The following DYM variants were observed in gnomAD, a reference collection of about 807,000 sequenced individuals.
The protein encoded by DYM is dymeclin.
A neutral mutation model predicts 93.1 loss-of-function variants in DYM; 78 were observed. The ratio of observed to expected loss-of-function variants is 0.84; its 90% confidence interval spans 0.70 to 1.01. DYM has a LOEUF of 1.01. DYM is among the 50% of genes least tolerant of loss of function. The probability of loss-of-function intolerance (pLI) is 0.00; values close to 1 mark genes in which losing one functional copy is unlikely to be tolerated. For missense variants in DYM, 789 were observed against 845.0 expected (o/e 0.93, Z 0.82); for synonymous variants, 321 against 319.7 (o/e 1.00, Z -0.04).
chr18:49,046,320 CCA>C (rs929854047), intron 17 of DYM, among the ~76,000 whole-genome samples: 3 of 149,488 alleles, frequency 2.0e-5, no homozygotes, highest in African/African-American at 7.4e-5. Context: ...CACACACACA[CCA>C]GACACACACA....
At chr18:49,224,728 T>C (rs1337692893) in intron 13 of DYM, among the ~76,000 whole-genome samples, 2 of 152,076 alleles carry the variant, frequency 1.3e-5, no homozygotes, top group Admixed American at 6.6e-5. Flanking sequence ...GATCTAGGAC[T>C]TCCCAGATTC....
intron 1 of DYM, among the ~76,000 whole-genome samples, chr18:49,449,669 C>T (rs541128871): frequency 6.6e-6 from 1 of 152,242 alleles, no homozygotes; most frequent in South Asian, 2.1e-4. Context: ...CCTGTGCAAA[C>T]CAGTAACAAG....
chr18:49,400,931 C>T (rs1201289391), intron 2 of DYM, among the ~76,000 whole-genome samples: 1 of 152,068 alleles, frequency 6.6e-6, no homozygotes, highest in East Asian at 1.9e-4. Flanking sequence ...CAGCAGGCAA[C>T]TAACAAACCA....
chr18:49,311,243 G>A (rs1376573176), intron 8 of DYM, among the ~76,000 whole-genome samples: 1 of 152,130 alleles, frequency 6.6e-6, no homozygotes, highest in Non-Finnish European at 1.5e-5. Context: ...CAGGCAAACT[G>A]CCAGTTACGA....
At chr18:49,434,337 A>G (rs2080619669) in intron 1 of DYM, among the ~76,000 whole-genome samples, 1 of 127,322 alleles carries the variant, frequency 7.9e-6, no homozygotes, top group Non-Finnish European at 1.6e-5. Context: ...ACAGAGCAAG[A>G]CTCCATCTCA....
chr18:49,244,456 C>A (rs1345620291), intron 13 of DYM, among the ~76,000 whole-genome samples: 2 of 152,164 alleles, frequency 1.3e-5, no homozygotes, highest in African/African-American at 4.8e-5. Context: ...ATTAAACGAC[C>A]AAGTACACAA....
chr18:49,330,825 A>G (rs995493472), intron 8 of DYM, among the ~76,000 whole-genome samples: 3 of 152,210 alleles, frequency 2.0e-5, no homozygotes, highest in Non-Finnish European at 2.9e-5. Flanking sequence ...CAGGTGTGGC[A>G]CTCTTGGCAG....
At chr18:49,459,923 G>T (rs1019480593) in intron 1 of DYM, among the ~76,000 whole-genome samples, 1 of 146,444 alleles carries the variant, frequency 6.8e-6, no homozygotes, top group South Asian at 2.3e-4. Flanking sequence ...TGGGGCGGGG[G>T]GGGCGGTGAT....
chr18:49,220,657 G>C (rs1289679701), intron 13 of DYM, among the ~76,000 whole-genome samples: 1 of 152,160 alleles, frequency 6.6e-6, no homozygotes, highest in Non-Finnish European at 1.5e-5. Flanking sequence ...AATGGGGAAA[G>C]GATTCCCTAT....
chr18:49,332,054 C>T lies in DYM; in HGVS notation c.621-48G>A, dbSNP rs150497637. 1.1e-3 allele frequency: 1,694 copies of T among 1,562,478 alleles called. 10 individuals are homozygous for T. The African/African-American group carries it at 0.021, about 19-fold the overall frequency. ...TCAAACTCATATTTATGGGAGTCATCTAATTCTGAATAACAATACAGAAAT... is the reference window on the plus strand; with the variant it reads ...TCAAACTCATATTTATGGGAGTCATTTAATTCTGAATAACAATACAGAAAT... On this transcript the variant is annotated intron_variant, in intron 7 of 17. Coordinates refer to ENST00000675505, the MANE Select transcript of DYM (RefSeq NM_001353214.3).
intron 9 of DYM, among the ~76,000 whole-genome samples, chr18:49,286,118 T>A (rs1484523492): frequency 6.6e-6 from 1 of 152,164 alleles, no homozygotes; most frequent in Non-Finnish European, 1.5e-5. Flanking sequence ...AACTGAAAAT[T>A]TAAAACAACC....
chr18:49,450,682 C>A (rs1488483154), intron 1 of DYM, among the ~76,000 whole-genome samples: 2 of 152,164 alleles, frequency 1.3e-5, no homozygotes, highest in Non-Finnish European at 2.9e-5. Flanking sequence ...GATGTCCAAT[C>A]TTCTTTAAGT....
At chr18:49,264,462 T>C (rs2094538863) in intron 11 of DYM, among the ~76,000 whole-genome samples, 1 of 152,242 alleles carries the variant, frequency 6.6e-6, no homozygotes, top group African/African-American at 2.4e-5. Context: ...CCTCACCAAT[T>C]CTTTTTTCTT....
intron 16 of DYM, among the ~76,000 whole-genome samples, chr18:49,100,049 G>A (rs939004575): frequency 6.6e-6 from 1 of 152,136 alleles, no homozygotes; most frequent in African/African-American, 2.4e-5. Context: ...ACAGGTGAGC[G>A]CATGTATGCC....
chr18:49,386,111 C>CA (rs2068591841), intron 3 of DYM, among the ~76,000 whole-genome samples: 1 of 151,692 alleles, frequency 6.6e-6, no homozygotes, highest in Non-Finnish European at 1.5e-5. Flanking sequence ...CATGCCTGGC[C>CA]AAAAAACTCT....
intron 13 of DYM, among the ~76,000 whole-genome samples, chr18:49,245,952 T>C (rs747405825): frequency 6.6e-6 from 1 of 152,182 alleles, no homozygotes; most frequent in Non-Finnish European, 1.5e-5. Flanking sequence ...TACATTGAAA[T>C]ATTGGGGGCT....
intron 8 of DYM, among the ~76,000 whole-genome samples, chr18:49,323,203 A>C (rs903923265): frequency 6.6e-6 from 1 of 152,214 alleles, no homozygotes; most frequent in Non-Finnish European, 1.5e-5. Context: ...AAAACAAAAC[A>C]TAACAAAAAA....
At chr18:49,208,166 G>C (rs2092612148) in intron 14 of DYM, among the ~76,000 whole-genome samples, 1 of 121,696 alleles carries the variant, frequency 8.2e-6, no homozygotes, top group Non-Finnish European at 1.6e-5. Context: ...CTGGGTGACA[G>C]AGCAAGACTC....
intron 11 of DYM, among the ~76,000 whole-genome samples, chr18:49,268,273 A>G (rs1036826261): frequency 2.6e-5 from 4 of 152,218 alleles, no homozygotes; most frequent in African/African-American, 4.8e-5. Flanking sequence ...CTACTATTAC[A>G]TATGGAAAGG....
Sources: allele counts gnomAD v4.1 joint callset (sites outside exome capture counted in the v4.1 genomes callset), GRCh38; gene constraint gnomAD v4.1.1; transcripts MANE v1.5; gene names NCBI Gene and HGNC (gene_info 2026-07-23, HGNC 2026-07-21).